PTPRN2: variants seen among roughly 807,000 people sequenced by gnomAD.
PTPRN2 encodes receptor-type tyrosine-protein phosphatase N2.
Under a neutral mutation model 118.8 loss-of-function variants are expected in PTPRN2, and 74 were observed. The ratio of observed to expected loss-of-function variants is 0.62; its 90% CI spans 0.52 to 0.76. PTPRN2 has a LOEUF of 0.76. PTPRN2 is among the 30% of genes least tolerant of loss of function. PTPRN2 has a pLI of 0.00. For synonymous variants in PTPRN2, 641 were observed against 608.0 expected (o/e 1.05, Z -0.80); for missense variants, 1,481 against 1,394.4 (o/e 1.06, Z -0.99).
chr7:158,311,995 ATGCACACACACC>A (rs779818677), intron 3 of PTPRN2, among the ~76,000 whole-genome samples: 1 of 151,664 alleles, frequency 6.6e-6, no homozygotes, highest in Non-Finnish European at 1.5e-5. Context: ...ACCCACACAC[ATGCACACACACC>A]TGCACATTCA....
At chr7:158,269,680 G>T (rs1798161455) in intron 3 of PTPRN2, among the ~76,000 whole-genome samples, 1 of 152,144 alleles carries the variant, frequency 6.6e-6, no homozygotes, top group East Asian at 1.9e-4. Flanking sequence ...GTTCTGCCAG[G>T]GCCCAGGAGG....
intron 11 of PTPRN2, among the ~76,000 whole-genome samples, chr7:157,981,506 T>G (rs975270800): frequency 1.3e-5 from 2 of 152,336 alleles, no homozygotes; most frequent in African/African-American, 2.4e-5. Context: ...GATAAAATAG[T>G]AAAAACAATA....
chr7:157,753,032 G>C (rs1341721674), intron 12 of PTPRN2, among the ~76,000 whole-genome samples: 1 of 152,248 alleles, frequency 6.6e-6, no homozygotes, highest in Non-Finnish European at 1.5e-5. Context: ...TGGTGTGGCT[G>C]TTCTCCAAGG....
At chr7:157,982,570 T>C (rs112719349) in intron 11 of PTPRN2, among the ~76,000 whole-genome samples, 31 of 66,806 alleles carry the variant, frequency 4.6e-4, no homozygotes, top group East Asian at 1.7e-3. Context: ...CCCCAAACCC[T>C]GAGTCATAGA....
At chr7:158,171,308 C>CATACATAT (rs1554571676) in intron 5 of PTPRN2, among the ~76,000 whole-genome samples, 1,949 of 48,554 alleles carry the variant, frequency 0.04, 300 homozygotes, top group East Asian at 0.1. Flanking sequence ...TATATACACA[C>CATACATAT]ATATATATAT....
chr7:158,216,136 A>C (rs1353127648), intron 3 of PTPRN2, among the ~76,000 whole-genome samples: 1 of 152,180 alleles, frequency 6.6e-6, no homozygotes, highest in East Asian at 1.9e-4. Flanking sequence ...TTTCACCCAA[A>C]CTGGTAAAAT....
intron 12 of PTPRN2, among the ~76,000 whole-genome samples, chr7:157,821,473 TGAGA>T (rs1420406914): frequency 6.6e-6 from 1 of 152,042 alleles, no homozygotes; most frequent in East Asian, 1.9e-4. Flanking sequence ...TTGATGAGCC[TGAGA>T]AAGAGCAGCC....
Position 157,627,763 on chromosome 7 carries a change from G to A in PTPRN2, c.2197-6254C>T, listed in dbSNP as rs1047957566. On this transcript the variant is annotated intron_variant, in intron 14 of 22. Transcript: ENST00000389418. This position sits in a 1 kb window ranked among gnomAD's most constrained non-coding sequence, Gnocchi z 4.2. The stretch of plus-strand genomic sequence containing the variant: ...GAATTCCTAGATCAAACCATTCATG[G>A]AGAAAGCTACGGGGACTCAGGAAGT... Among the ~76,000 whole-genome samples, 1 of 152,138 alleles carries A rather than the reference G, an allele frequency of 6.6e-6. No homozygotes were observed. The highest frequency in any genetic ancestry group is 1.5e-5 in the Non-Finnish European group (1 of 68,030).
chr7:157,928,218 G>A (rs1004767921), intron 11 of PTPRN2, among the ~76,000 whole-genome samples: 3 of 152,164 alleles, frequency 2.0e-5, no homozygotes, highest in Admixed American at 2.0e-4. Flanking sequence ...GCAGATACAG[G>A]ACCCGACCCA....
chr7:157,604,200 A>G (rs963203128), intron 15 of PTPRN2, 125 bp from the exon 16 acceptor site: 1 of 833,864 alleles, frequency 1.2e-6, no homozygotes, highest in Admixed American at 2.2e-5. Flanking sequence ...AGGGTCCATC[A>G]CACAGCAGTG....
chr7:158,304,823 G>A (rs2151057349), intron 3 of PTPRN2, among the ~76,000 whole-genome samples: 1 of 152,282 alleles, frequency 6.6e-6, no homozygotes, highest in African/African-American at 2.4e-5. Context: ...ATGTTTATCA[G>A]ACTTGAAAAG....
At chr7:158,403,055 C>T (rs1284932531) in intron 2 of PTPRN2, among the ~76,000 whole-genome samples, 1 of 152,222 alleles carries the variant, frequency 6.6e-6, no homozygotes, top group Non-Finnish European at 1.5e-5. Context: ...TCATATGCTT[C>T]CCAGGGGGTT....
rs1216960087 is a variant in PTPRN2 at position 158,570,581 on chromosome 7, C to G, written c.112+16977G>C. 2.0e-5 allele frequency among the ~76,000 whole-genome samples: 3 copies of G among 152,220 alleles called. No individual in the cohort carries two copies. Among genetic ancestry groups the G allele is most frequent in the Non-Finnish European group, 2.9e-5 (2 of 68,044 alleles). On this transcript the variant is annotated intron_variant, in intron 1 of 22. Coordinates refer to ENST00000389418, the MANE Select transcript of PTPRN2 (RefSeq NM_002847.5). This position sits in a 1 kb window ranked among gnomAD's most constrained non-coding sequence, Gnocchi z 4.5. Reference sequence around the variant, plus strand: ...CCTCTCCCTGTGTCCTCCGTGCCCCCCGAGTGGCCTGCTAGCCCGCTCTCC... The same window carrying G: ...CCTCTCCCTGTGTCCTCCGTGCCCCGCGAGTGGCCTGCTAGCCCGCTCTCC...
At chr7:158,390,667 G>C (rs1811856312) in intron 2 of PTPRN2, among the ~76,000 whole-genome samples, 1 of 152,236 alleles carries the variant, frequency 6.6e-6, no homozygotes, top group Non-Finnish European at 1.5e-5. Flanking sequence ...TGCCCGGCCA[G>C]GCTTGCCCCG....
chr7:158,214,561 T>G (rs1827833142), intron 3 of PTPRN2, among the ~76,000 whole-genome samples: 1 of 152,084 alleles, frequency 6.6e-6, no homozygotes, highest in Non-Finnish European at 1.5e-5. Context: ...TCCCTACCCA[T>G]GCCAACAAAG....
rs74667422 is a variant in PTPRN2, at chr7:157,908,893, C to T, written c.1724-10156G>A. On this transcript the variant is annotated intron_variant, in intron 11 of 22. Coordinates refer to ENST00000389418, the MANE Select transcript of PTPRN2 (RefSeq NM_002847.5). Reference sequence around the variant, plus strand: ...TAGTTTTAGTTTACAATTTTAAGTGCATTTTTATTTTTAATGAAAATACTT... The same window carrying T: ...TAGTTTTAGTTTACAATTTTAAGTGTATTTTTATTTTTAATGAAAATACTT... 0.011 allele frequency among the ~76,000 whole-genome samples: 1,739 copies of T among 152,002 alleles called. 151 individuals carry two copies. The East Asian group carries it at 0.24, about 21-fold the overall frequency.
At chr7:158,112,860 G>A (rs370608530) in intron 9 of PTPRN2, among the ~76,000 whole-genome samples, 3 of 152,156 alleles carry the variant, frequency 2.0e-5, no homozygotes, top group Non-Finnish European at 4.4e-5. Context: ...GCCACAGCAG[G>A]GCGTCCAGGC....
At chr7:158,065,960 G>A (rs556996794) in intron 11 of PTPRN2, among the ~76,000 whole-genome samples, 1 of 152,302 alleles carries the variant, frequency 6.6e-6, no homozygotes, top group East Asian at 1.9e-4. Context: ...CATGCAAAGA[G>A]TTTCGTTCAG....
chr7:157,614,827 C>T (rs564308311), intron 15 of PTPRN2, among the ~76,000 whole-genome samples: 3 of 152,324 alleles, frequency 2.0e-5, no homozygotes, highest in East Asian at 3.9e-4. Flanking sequence ...GCCTCGGACA[C>T]GGCCAGCCCT....
Sources: allele counts gnomAD v4.1 joint callset (sites outside exome capture counted in the v4.1 genomes callset), GRCh38; gene constraint gnomAD v4.1.1; non-coding constraint Gnocchi (gnomAD v3.1); transcripts MANE v1.5; gene names NCBI Gene and HGNC (gene_info 2026-07-23, HGNC 2026-07-21).